Variants in SPTB observed in about 807,000 individuals in gnomAD.
The protein encoded by SPTB is spectrin beta, erythrocytic.
In SPTB, 45 loss-of-function variants were observed where a neutral mutation model predicts 256.2. The ratio of observed to expected loss-of-function variants is 0.18; its 90% confidence interval spans 0.14 to 0.23. The LOEUF is 0.23. Among genes scored for constraint, SPTB ranks in the 10% least tolerant of loss-of-function variants. The probability of loss-of-function intolerance (pLI) is 1.00; values close to 1 mark genes in which losing one functional copy is unlikely to be tolerated. For synonymous variants in SPTB, 1,231 were observed against 1,243.1 expected, an observed-to-expected ratio of 0.99 and a Z score of 0.21; for missense variants, 2,715 against 3,040.4, an observed-to-expected ratio of 0.89 and a Z score of 2.52.
chr14:64,779,916 C>T lies in SPTB; in HGVS notation c.4282G>A (p.Val1428Met), dbSNP rs567454803. Reference protein sequence around the residue: ...LAKLKRVEDQVNVRKEELGEL... With the variant: ...LAKLKRVEDQMNVRKEELGEL... ...CCCAGCTCCTCTTTTCGCACATTCA[C>T]TTGGTCCTCCACTCGCTGAGACACA... is the stretch of plus-strand genomic sequence containing the variant. The change falls in exon 21 of 36, where the codon GTG becomes ATG. Residue 1428 changes from valine (V) to methionine (M), a missense_variant. Val to Met is a conservative substitution (Grantham distance 21, BLOSUM62 1). This residue lies in a region of SPTB where 2,239 missense variants were observed against 2,384.4 expected (regional missense o/e 0.94). Transcript: ENST00000644917. The surrounding 1 kb of genome is among the most constrained non-coding windows in gnomAD (Gnocchi z 4.2). The T allele has an allele frequency of 9.9e-6, 16 of 1,613,924 alleles. No homozygotes were observed. The South Asian group carries it at 1.8e-4, about 18-fold the overall frequency.
Position 64,827,442 on chromosome 14 carries a change from C to T in SPTB, c.-51-4297G>A, listed in dbSNP as rs1200588976. Among the ~76,000 whole-genome samples, 1 of 152,164 alleles carries T rather than the reference C, an allele frequency of 6.6e-6. No individual in the cohort carries two copies. The highest frequency in any genetic ancestry group is 1.5e-5 in the Non-Finnish European group (1 of 68,032). ...TCTCTCTAGCTGTAAGGTTTGACCCCCTCACCTGTTTTCTAGTTTGTCCTG... is the reference window on the plus strand; with the variant it reads ...TCTCTCTAGCTGTAAGGTTTGACCCTCTCACCTGTTTTCTAGTTTGTCCTG... On this transcript the variant is annotated intron_variant, in intron 1 of 35. Coordinates refer to ENST00000644917, the MANE Select transcript of SPTB (RefSeq NM_001355436.2). This position sits in a 1 kb window ranked among gnomAD's most constrained non-coding sequence, Gnocchi z 4.6.
Position 64,758,076 on chromosome 14 carries a change from G to A in SPTB, c.6346-4283C>T, listed in dbSNP as rs1458631785. ...AGTGAGCCCATGACCTACTTCACAG[G>A]TGGTTTGCAGCCTTTTAAAGTGAGA... On this transcript the variant is annotated intron_variant, in intron 32 of 35. Coordinates refer to ENST00000644917, the MANE Select transcript of SPTB (RefSeq NM_001355436.2). This position sits in a 1 kb window ranked among gnomAD's most constrained non-coding sequence, Gnocchi z 4.6. 6.6e-6 allele frequency among the ~76,000 whole-genome samples: 1 copy of A among 152,222 alleles called. No homozygotes were observed. The highest frequency in any genetic ancestry group is 1.5e-5 in the Non-Finnish European group (1 of 68,052).
At chr14:64,780,238 T>C (rs948065694) in intron 20 of SPTB, among the ~76,000 whole-genome samples, 1 of 152,196 alleles carries the variant, frequency 6.6e-6, no homozygotes, top group Non-Finnish European at 1.5e-5. Context: ...GCTTAAAGTT[T>C]CAGACTGTGC....
At chr14:64,872,783 C>T (rs1040782661) in intron 1 of SPTB, among the ~76,000 whole-genome samples, 1 of 152,128 alleles carries the variant, frequency 6.6e-6, no homozygotes, top group Non-Finnish European at 1.5e-5. Flanking sequence ...GGTGGGTTTT[C>T]CTGTGCTGTT....
At position 64,779,492 on chromosome 14, in the gene SPTB, T is replaced by C. The variant is rs1174259573; in HGVS notation, c.4473+233A>G. 1.3e-5 allele frequency among the ~76,000 whole-genome samples: 2 copies of C among 152,242 alleles called. No homozygotes were observed. ...GCTGGATCTCGAACCCAAGTCTGTC[T>C]GACCCAAGTCCATGCTCTTCACCGA... is the stretch of plus-strand genomic sequence containing the variant. On this transcript the variant is annotated intron_variant, in intron 21 of 35. Transcript: ENST00000644917. The surrounding 1 kb of genome is among the most constrained non-coding windows in gnomAD (Gnocchi z 4.2).
chr14:64,878,949 C>G (rs1372042018), intron 1 of SPTB, among the ~76,000 whole-genome samples: 1 of 152,210 alleles, frequency 6.6e-6, no homozygotes, highest in Non-Finnish European at 1.5e-5. Flanking sequence ...GTCAGGGAAA[C>G]AGCACTCCAG....
At chr14:64,756,352 G>A (rs1160074535) in intron 32 of SPTB, 1 of 152,264 alleles carries the variant, frequency 6.6e-6, no homozygotes, top group African/African-American at 2.4e-5. Context: ...GGTGGATCAC[G>A]AGATCAGGAG....
chr14:64,811,567 T>C (rs376187641), intron 2 of SPTB, among the ~76,000 whole-genome samples: 25 of 152,350 alleles, frequency 1.6e-4, no homozygotes, highest in African/African-American at 5.8e-4. Flanking sequence ...CAGAGATACA[T>C]ACTAGAGTAA....
chr14:64,795,774 CT>C lies in SPTB; in HGVS notation c.1342-136del. 2 of 926,646 alleles carry C rather than the reference CT, an allele frequency of 2.2e-6. No homozygotes were observed. Among genetic ancestry groups the C allele is most frequent in the Non-Finnish European group, 3.4e-6 (2 of 595,388 alleles). 57.4% of individuals were successfully genotyped at this position (926,646 alleles called of 1,614,324 possible). A position where few individuals can be genotyped will look rare whatever the true frequency, so the allele number is the denominator to read the frequency against. The stretch of plus-strand genomic sequence containing the variant: ...ATTCCCAAGAAGCAGCTAGTTCTGC[CT>C]TACTTTTGCAGCCTGTCTTATCAGA... On this transcript the variant is annotated intron_variant, in intron 11 of 35. Coordinates refer to ENST00000644917, the MANE Select transcript of SPTB (RefSeq NM_001355436.2). This position sits in a 1 kb window ranked among gnomAD's most constrained non-coding sequence, Gnocchi z 6.5.
rs149304788 is a variant in SPTB at position 64,832,821 on chromosome 14, C to T, written c.-51-9676G>A. Among the ~76,000 whole-genome samples the T allele has an allele frequency of 1.6e-3, 246 of 152,298 alleles. 1 individual carries two copies. The highest frequency in any genetic ancestry group is 5.7e-3 in the African/African-American group (238 of 41,552). On this transcript the variant is annotated intron_variant, in intron 1 of 35. Coordinates refer to ENST00000644917, the MANE Select transcript of SPTB (RefSeq NM_001355436.2). ...AATCTCTGTTCTTCTCTATCTCCAC[C>T]GCTCCCCACACTTCTGGCCACTGCC...
intron 20 of SPTB, among the ~76,000 whole-genome samples, chr14:64,781,853 T>C (rs992536165): frequency 3.9e-5 from 6 of 152,036 alleles, no homozygotes; most frequent in Non-Finnish European, 5.9e-5. Flanking sequence ...GAAAATATGA[T>C]ACATATACAC....
chr14:64,855,430 C>T (rs146653768), intron 1 of SPTB, among the ~76,000 whole-genome samples: 3 of 152,182 alleles, frequency 2.0e-5, no homozygotes, highest in East Asian at 3.9e-4. Context: ...AAAGAGAAAC[C>T]GTATTAGATA....
rs2082345106 is a variant in SPTB at position 64,775,577 on chromosome 14, C to A, written c.4564-174G>T. ...ACCTCTTGCGGGCTGCTAAGCACCT[C>A]ATGTGCACCATTCTTGCACCCTCAG... On this transcript the variant is annotated intron_variant, in intron 22 of 35. Coordinates refer to ENST00000644917, the MANE Select transcript of SPTB (RefSeq NM_001355436.2). This position sits in a 1 kb window ranked among gnomAD's most constrained non-coding sequence, Gnocchi z 5.0. Among the ~76,000 whole-genome samples, 1 of 152,252 alleles carries A rather than the reference C, an allele frequency of 6.6e-6. No homozygotes were observed. Among genetic ancestry groups the A allele is most frequent in the Admixed American group, 6.5e-5 (1 of 15,290 alleles).
chr14:64,801,135 A>G, intron 7 of SPTB, 150 bp downstream of exon 7: 2 of 709,590 alleles, frequency 2.8e-6, no homozygotes, highest in South Asian at 1.7e-5. Context: ...CCCAGATCAG[A>G]GCCTGGCCTG....
intron 32 of SPTB, chr14:64,763,789 G>A (rs373245421): frequency 7.7e-6 from 4 of 518,898 alleles, no homozygotes; most frequent in African/African-American, 3.9e-5. Flanking sequence ...TTACCAGAAC[G>A]TGCTCTAATG....
chr14:64,817,977 C>G (rs1167620485), intron 2 of SPTB, among the ~76,000 whole-genome samples: 1 of 152,222 alleles, frequency 6.6e-6, no homozygotes, highest in Non-Finnish European at 1.5e-5. Context: ...CTGTAGTGCA[C>G]CTGCTGTCCC....
chr14:64,802,138 A>T lies in SPTB; in HGVS notation c.566+88T>A. 2 of 1,237,494 alleles carry T rather than the reference A, an allele frequency of 1.6e-6. No individual in the cohort carries two copies. Among genetic ancestry groups the T allele is most frequent in the African/African-American group, 1.5e-5 (1 of 67,390 alleles). The allele number at this position is 1,237,494 out of a possible 1,614,324, so 76.7% of individuals were successfully genotyped here. A position where few individuals can be genotyped will look rare whatever the true frequency, so the allele number is the denominator to read the frequency against. On this transcript the variant is annotated intron_variant, in intron 5 of 35. Transcript: ENST00000644917. This position sits in a 1 kb window ranked among gnomAD's most constrained non-coding sequence, Gnocchi z 5.1. ...GAGGCAGCTGTAGTTCTGGGTGATG[A>T]TGTCTAATGTCCCTCTGGAGATGGC...
chr14:64,773,212 C>T lies in SPTB; in HGVS notation c.5178+8G>A, dbSNP rs1171395938. The T allele has an allele frequency of 1.2e-5, 19 of 1,614,070 alleles. No individual in the cohort carries two copies. In the Admixed American group the frequency reaches 2.3e-4, roughly 20 times the overall value. ...AAGACAAAAACAGCAGGAGTTGTGGCTACTCACAGTCACGTGGTCAAAGTC... is the reference window on the plus strand; with the variant it reads ...AAGACAAAAACAGCAGGAGTTGTGGTTACTCACAGTCACGTGGTCAAAGTC... On this transcript the variant is annotated splice_region_variant and intron_variant, in intron 25 of 35. Coordinates refer to ENST00000644917, the MANE Select transcript of SPTB (RefSeq NM_001355436.2).
chr14:64,787,281 AT>A, intron 15 of SPTB, 121 bp from the exon 16 acceptor site: 1 of 1,324,354 alleles, frequency 7.6e-7, no homozygotes, highest in African/African-American at 1.5e-5. Flanking sequence ...ACTTTGTATG[AT>A]AAAAAGAAAA....
Sources: allele counts gnomAD v4.1 joint callset (sites outside exome capture counted in the v4.1 genomes callset), GRCh38; gene constraint gnomAD v4.1.1; regional missense constraint gnomAD v4.1.1; non-coding constraint Gnocchi (gnomAD v3.1); transcripts MANE v1.5; gene names NCBI Gene and HGNC (gene_info 2026-07-23, HGNC 2026-07-21).